Variants in SEC31A observed in about 807,000 individuals in gnomAD.
SEC31A encodes SEC31 homolog A, COPII component.
SEC31A carries 70 observed loss-of-function variants against 151.0 expected under a neutral mutation model. The observed-to-expected ratio is 0.46, with a 90% CI of 0.38 to 0.57. The LOEUF (loss-of-function observed/expected upper bound fraction) is 0.57, where lower values mean the gene tolerates loss of function less well. Among genes scored for constraint, SEC31A ranks in the 20% least tolerant of loss-of-function variants. The pLI is 0.00. For missense variants in SEC31A, 1,330 were observed against 1,471.2 expected, an observed-to-expected ratio of 0.90 and a Z score of 1.57; for synonymous variants, 475 against 505.9, an observed-to-expected ratio of 0.94 and a Z score of 0.82.
rs1449702574 is a variant in SEC31A at position 82,870,342 on chromosome 4, T to C, written c.865A>G (p.Asn289Asp). The C allele has an allele frequency of 6.2e-7, 1 of 1,613,696 alleles. No homozygotes were observed. Among genetic ancestry groups the C allele is most frequent in the Non-Finnish European group, 8.5e-7 (1 of 1,179,604 alleles). ...GCCCATACCTCTCCTGTGTTTGGAT[T>C]GGAGCAGAGAATCTTAGCATCTTTT... ...CGKDAKILCSNPNTGEVLYEL... is the reference protein window; with the variant it reads ...CGKDAKILCSDPNTGEVLYEL... Residue 289 changes from asparagine (N) to aspartate (D), a missense_variant, in exon 8 of 27, where the codon AAT becomes GAT. Coordinates refer to ENST00000395310, the MANE Select transcript of SEC31A (RefSeq NM_001077207.4).
intron 1 of SEC31A, among the ~76,000 whole-genome samples, chr4:82,884,490 C>T (rs1414655462): frequency 2.0e-5 from 3 of 152,144 alleles, no homozygotes; most frequent in Non-Finnish European, 4.4e-5. Context: ...ACCACATAAC[C>T]TTTCTCACCA....
chr4:82,897,002 CAG>C (rs1411155294), intron 3 of SEC31A, among the ~76,000 whole-genome samples: 1 of 152,212 alleles, frequency 6.6e-6, no homozygotes, highest in Non-Finnish European at 1.5e-5. Flanking sequence ...GTCAAGCAAT[CAG>C]AATGTTCCTA....
chr4:82,874,519 G>A, intron 6 of SEC31A, 92 bp downstream of exon 6: 1 of 1,286,146 alleles, frequency 7.8e-7, no homozygotes, highest in Non-Finnish European at 1.0e-6. Flanking sequence ...TGACTTCACA[G>A]AAATTTGATT....
chr4:82,873,604 C>T (rs1737247669), intron 6 of SEC31A, among the ~76,000 whole-genome samples: 1 of 152,212 alleles, frequency 6.6e-6, no homozygotes, highest in East Asian at 1.9e-4. Flanking sequence ...TTTTAAAACT[C>T]CTGATTCACT....
At chr4:82,849,428 C>G (rs1730958723) in intron 19 of SEC31A, among the ~76,000 whole-genome samples, 1 of 151,968 alleles carries the variant, frequency 6.6e-6, no homozygotes. Flanking sequence ...TCCTGGCTAA[C>G]ACGGTGAAAC....
intron 25 of SEC31A, among the ~76,000 whole-genome samples, chr4:82,822,468 C>T (rs557442439): frequency 1.3e-5 from 2 of 152,226 alleles, no homozygotes; most frequent in African/African-American, 2.4e-5. Context: ...CGCTGAAATG[C>T]TCTTGGTGTG....
chr4:82,892,100 C>G (rs1238495667), upstream of SEC31A, among the ~76,000 whole-genome samples: 1 of 152,226 alleles, frequency 6.6e-6, no homozygotes, highest in African/African-American at 2.4e-5. Context: ...CCATCTGAAG[C>G]TTGCAGCTTC....
intron 22 of SEC31A, among the ~76,000 whole-genome samples, chr4:82,840,710 T>C (rs943707641): frequency 2.0e-5 from 3 of 152,202 alleles, no homozygotes; most frequent in African/African-American, 7.2e-5. Flanking sequence ...ACTCCTAGGG[T>C]ACAAACCTGT....
At position 82,878,760 on chromosome 4, in the gene SEC31A, T is replaced by A; in HGVS notation, c.372A>T (p.Pro124=). 1.2e-6 allele frequency: 2 copies of A among 1,614,140 alleles called. No homozygotes were observed. The highest frequency in any genetic ancestry group is 1.7e-6 in the Non-Finnish European group (2 of 1,179,978). ...AAATGTTCACATCCAAGGCTCTCAC[T>A]GGGCCAGTATGCTTGTCATTCTGGG... ...VIAQNDKHTG[P]VRALDVNIFQ... Residue 124 remains proline, a synonymous_variant, in exon 4 of 27, where the codon CCA becomes CCT. Transcript: ENST00000395310.
intron 25 of SEC31A, among the ~76,000 whole-genome samples, chr4:82,823,109 T>C (rs1006209219): frequency 1.3e-5 from 2 of 152,218 alleles, no homozygotes; most frequent in African/African-American, 2.4e-5. Flanking sequence ...GAACACTTTG[T>C]CTTTTATGGT....
intron 5 of SEC31A, 54 bp downstream of exon 5, chr4:82,875,673 G>A: frequency 2.0e-6 from 2 of 976,076 alleles, no homozygotes; most frequent in Non-Finnish European, 3.2e-6. Context: ...GTAGGTTTAG[G>A]AGAACTACTT....
chr4:82,875,542 T>TGATGGA (rs1156957350), intron 5 of SEC31A, among the ~76,000 whole-genome samples, 185 bp downstream of exon 5: 1 of 152,226 alleles, frequency 6.6e-6, no homozygotes, highest in African/African-American at 2.4e-5. Flanking sequence ...TATTTACTCT[T>TGATGGA]GATGGACTCA....
intron 3 of SEC31A, among the ~76,000 whole-genome samples, chr4:82,897,200 C>T (rs1720102345): frequency 6.6e-6 from 1 of 152,184 alleles, no homozygotes; most frequent in Non-Finnish European, 1.5e-5. Flanking sequence ...TAAAACAAAG[C>T]ATAACTAGTT....
upstream of SEC31A, chr4:82,893,675 A>G (rs1719938404): frequency 1.3e-5 from 2 of 152,258 alleles, no homozygotes; most frequent in Admixed American, 1.3e-4. Context: ...ATGAGTAGTC[A>G]CAGAATTTTT....
chr4:82,849,513 C>A (rs1469547564), intron 19 of SEC31A, among the ~76,000 whole-genome samples: 1 of 148,774 alleles, frequency 6.7e-6, no homozygotes, highest in Non-Finnish European at 1.5e-5. Flanking sequence ...ACTCGGGAGG[C>A]TGAGGCAGAA....
At chr4:82,822,544 A>G (rs1188701074) in intron 25 of SEC31A, among the ~76,000 whole-genome samples, 1 of 152,226 alleles carries the variant, frequency 6.6e-6, no homozygotes, top group Non-Finnish European at 1.5e-5. Flanking sequence ...AGGATGCTAC[A>G]TACCAAGTTG....
In SEC31A at chr4:82,891,110, G is replaced by T. The variant is rs1313783069; in HGVS notation, c.-27C>A. On this transcript the variant is annotated 5_prime_UTR_variant, in exon 1 of 27. Transcript: ENST00000395310. ...CACCTGGCGAGGACCTTCGGCAGCC[G>T]GATCCTGCGTTAGTGCAGCGCTCGT... 1 of 1,535,936 alleles carries T rather than the reference G, an allele frequency of 6.5e-7. No homozygotes were observed. The highest frequency in any genetic ancestry group is 1.2e-5 in the South Asian group (1 of 84,054).
rs1724852864 is a variant in SEC31A, at chr4:82,827,397, G to A, written c.3263C>T (p.Pro1088Leu). The A allele has an allele frequency of 1.2e-6, 2 of 1,614,052 alleles. No homozygotes were observed. Among genetic ancestry groups the A allele is most frequent in the African/African-American group, 1.3e-5 (1 of 74,942 alleles). The stretch of plus-strand genomic sequence containing the variant: ...GAAGGTATTTCCAATAGGAGCCCCT[G>A]GGGCACCTTCAATATTGGGCTTTGA... ...SFSKPNIEGAPGAPIGNTFQH... is the reference protein window; with the variant it reads ...SFSKPNIEGALGAPIGNTFQH... The change falls in exon 24 of 27, where the codon CCA becomes CTA. Residue 1088 changes from proline to leucine, a missense_variant. Pro to Leu is a moderately conservative substitution (Grantham distance 98). Coordinates refer to ENST00000395310, the MANE Select transcript of SEC31A (RefSeq NM_001077207.4).
intron 1 of SEC31A, among the ~76,000 whole-genome samples, chr4:82,890,544 T>C (rs1432291974): frequency 6.6e-6 from 1 of 152,198 alleles, no homozygotes; most frequent in Non-Finnish European, 1.5e-5. Flanking sequence ...AGCAAAAACA[T>C]GTAACACTTA....
Sources: allele counts gnomAD v4.1 joint callset (sites outside exome capture counted in the v4.1 genomes callset), GRCh38; gene constraint gnomAD v4.1.1; transcripts MANE v1.5; gene names NCBI Gene and HGNC (gene_info 2026-07-23, HGNC 2026-07-21).